LGR6: variants seen among roughly 807,000 people sequenced by gnomAD.
LGR6 encodes leucine rich repeat containing G protein-coupled receptor 6.
In LGR6, 45 loss-of-function variants were observed where a neutral mutation model predicts 69.4. That is an observed-to-expected ratio of 0.65 (90% CI 0.51 to 0.83). LGR6 has a LOEUF of 0.83. Among genes scored for constraint, LGR6 ranks in the 40% least tolerant of loss-of-function variants. LGR6 has a pLI of 0.00. For synonymous variants in LGR6, 538 were observed against 555.0 expected, an observed-to-expected ratio of 0.97 and a Z score of 0.43; for missense variants, 1,108 against 1,246.7, an observed-to-expected ratio of 0.89 and a Z score of 1.68.
In LGR6 at chr1:202,307,244, G is replaced by C. The variant is rs952277543; in HGVS notation, c.1209-86G>C. 25 of 1,298,818 alleles carry C rather than the reference G, an allele frequency of 1.9e-5. No individual in the cohort carries two copies. The South Asian group carries it at 2.8e-4, about 14-fold the overall frequency. 80.5% of individuals were successfully genotyped at this position (1,298,818 alleles called of 1,614,324 possible). On this transcript the variant is annotated intron_variant, in intron 13 of 17. Coordinates refer to ENST00000367278, the MANE Select transcript of LGR6 (RefSeq NM_001017403.2). ...ACTGTTACTGGGGGCAGGTCAGATG[G>C]GGGTATGTGAGGGGGAGCCCATGAT...
chr1:202,272,005 G>A (rs1382536412), intron 4 of LGR6, among the ~76,000 whole-genome samples: 1 of 152,080 alleles, frequency 6.6e-6, no homozygotes, highest in East Asian at 1.9e-4. Context: ...AACACAAAAG[G>A]TTAAAGGAGG....
chr1:202,260,282 G>A (rs1016627824), intron 4 of LGR6, among the ~76,000 whole-genome samples: 18 of 151,702 alleles, frequency 1.2e-4, no homozygotes, highest in Non-Finnish European at 1.9e-4. Flanking sequence ...CAGGTGATCC[G>A]CCCGTCTCAG....
chr1:202,310,201 C>T lies in LGR6; in HGVS notation c.1411C>T (p.Leu471=). The change falls in exon 16 of 18, where the codon CTG becomes TTG. Residue 471 remains leucine, a synonymous_variant. Coordinates refer to ENST00000367278, the MANE Select transcript of LGR6 (RefSeq NM_001017403.2). ...AGCCTGCCTCTCCCCCACCAGGATC[C>T]TGGAGGTGCCTTATGCCTACCAGTG... is the stretch of plus-strand genomic sequence containing the variant. ...SKDSFPKLRI[L]EVPYAYQCCP... 6.2e-7 allele frequency: 1 copy of T among 1,613,842 alleles called. No homozygotes were observed. The highest frequency in any genetic ancestry group is 8.5e-7 in the Non-Finnish European group (1 of 1,179,864).
At chr1:202,237,501 GGTT>G (rs1236821691) in intron 4 of LGR6, among the ~76,000 whole-genome samples, 4 of 152,218 alleles carry the variant, frequency 2.6e-5, no homozygotes, top group African/African-American at 4.8e-5. Flanking sequence ...ACACTTTTAA[GGTT>G]GTTAATTAAG....
intron 6 of LGR6, among the ~76,000 whole-genome samples, chr1:202,289,183 G>A (rs1196211257): frequency 6.6e-6 from 1 of 152,240 alleles, no homozygotes; most frequent in Non-Finnish European, 1.5e-5. Context: ...TGAGGGCCAA[G>A]CAGGGAAGTG....
intron 4 of LGR6, among the ~76,000 whole-genome samples, chr1:202,240,959 C>A (rs372377267): frequency 2.6e-5 from 4 of 152,172 alleles, no homozygotes; most frequent in South Asian, 2.1e-4. Flanking sequence ...TCACAGAAAC[C>A]CCTCTCTAAT....
chr1:202,303,213 A>T (rs1300565171), intron 9 of LGR6, 66 bp from the exon 10 acceptor site: 2 of 1,200,738 alleles, frequency 1.7e-6, no homozygotes, highest in Non-Finnish European at 2.5e-6. Flanking sequence ...CAAAATGGAG[A>T]ATTGAGAGTC....
intron 6 of LGR6, among the ~76,000 whole-genome samples, chr1:202,295,902 TG>T (rs1321750209): frequency 6.7e-6 from 1 of 149,008 alleles, no homozygotes; most frequent in African/African-American, 2.6e-5. Context: ...TGTGTGTGTG[TG>T]TGTGTGTGTG....
chr1:202,219,174 G>T (rs544513431), intron 1 of LGR6, among the ~76,000 whole-genome samples: 1 of 152,212 alleles, frequency 6.6e-6, no homozygotes, highest in Non-Finnish European at 1.5e-5. Flanking sequence ...AATGGTCTCC[G>T]TGGCGGCCAG....
chr1:202,227,623 C>T (rs1251463323), intron 2 of LGR6, among the ~76,000 whole-genome samples: 2 of 152,092 alleles, frequency 1.3e-5, no homozygotes, highest in Non-Finnish European at 2.9e-5. Context: ...GGCCGTGAGC[C>T]TTCAAATTAG....
intron 4 of LGR6, among the ~76,000 whole-genome samples, chr1:202,238,618 T>G (rs932400168): frequency 2.6e-5 from 4 of 151,700 alleles, no homozygotes; most frequent in Admixed American, 2.6e-4. Flanking sequence ...GAGACGGGGG[T>G]TTCACCATAT....
Position 202,319,503 on chromosome 1 carries a change from G to C in LGR6, c.*296G>C. On this transcript the variant is annotated 3_prime_UTR_variant, in exon 18 of 18. Transcript: ENST00000367278. ...TTTTGTCTGCTTAAGGGAAATGAGG[G>C]AAGTAAAGACAGTGAAGGGGTGGAG... 5.6e-6 allele frequency: 2 copies of C among 354,458 alleles called. No individual in the cohort carries two copies. The highest frequency in any genetic ancestry group is 6.0e-5 in the South Asian group (1 of 16,612). The allele number at this position is 354,458 out of a possible 1,614,324, so 22.0% of individuals were successfully genotyped here.
chr1:202,307,034 A>G, intron 13 of LGR6, 95 bp downstream of exon 13: 1 of 1,110,922 alleles, frequency 9.0e-7, no homozygotes, highest in Non-Finnish European at 1.4e-6. Flanking sequence ...CAATTTAAGC[A>G]AATGTGACAT....
chr1:202,318,142 T>C lies in LGR6; in HGVS notation c.1839T>C (p.Ile613=), dbSNP rs768428850. ...CAGGCGCCAACACCTTGACTGGCAT[T>C]TCCTGTGGCCTTCTAGCCTCAGTCG... ...AIAGANTLTG[I]SCGLLASVDA... is the part of the protein sequence containing the mutation. Residue 613 remains isoleucine (I), a synonymous_variant, in exon 18 of 18, where the codon ATT becomes ATC. Coordinates refer to ENST00000367278, the MANE Select transcript of LGR6 (RefSeq NM_001017403.2). The C allele has an allele frequency of 6.2e-7, 1 of 1,614,126 alleles. No homozygotes were observed. The highest frequency in any genetic ancestry group is 8.5e-7 in the Non-Finnish European group (1 of 1,180,018).
chr1:202,307,220 C>A, intron 13 of LGR6, 110 bp from the exon 14 acceptor site: 1 of 1,062,350 alleles, frequency 9.4e-7, no homozygotes, highest in South Asian at 1.4e-5. Flanking sequence ...GCAAAGGTTA[C>A]TGTTACTGGG....
chr1:202,227,464 G>T (rs1660646061), intron 2 of LGR6, among the ~76,000 whole-genome samples: 1 of 152,184 alleles, frequency 6.6e-6, no homozygotes, highest in Admixed American at 6.5e-5. Flanking sequence ...ATTAGTGAGG[G>T]TTAGCTGTGT....
intron 2 of LGR6, among the ~76,000 whole-genome samples, chr1:202,226,383 G>T (rs1338837811): frequency 6.6e-6 from 1 of 152,082 alleles, no homozygotes; most frequent in Non-Finnish European, 1.5e-5. Context: ...AGCTCTTTTA[G>T]AATTTAAATA....
At chr1:202,214,245 TG>T (rs1335706749) in intron 1 of LGR6, 4 of 1,538,896 alleles carry the variant, frequency 2.6e-6, no homozygotes, top group Admixed American at 2.1e-5. Context: ...CAGGTAGGCT[TG>T]GGGGAAGGGT....
chr1:202,280,862 G>C lies in LGR6; in HGVS notation c.716+10G>C. 1 of 1,611,956 alleles carries C rather than the reference G, an allele frequency of 6.2e-7. No individual in the cohort carries two copies. The highest frequency in any genetic ancestry group is 8.5e-7 in the Non-Finnish European group (1 of 1,178,618). On this transcript the variant is annotated intron_variant, in intron 6 of 17. Transcript: ENST00000367278. The stretch of plus-strand genomic sequence containing the variant: ...ACAATCTGGAGACACTGTGAGTTTT[G>C]AGGTCTTGGTCAAACTCTGTCCTGC...
Sources: gnomAD v4.1 joint callset for allele counts (sites outside exome capture counted in the v4.1 genomes callset) on GRCh38, gnomAD v4.1.1 for gene constraint, MANE v1.5 for transcripts, NCBI Gene and HGNC (gene_info 2026-07-23, HGNC 2026-07-21) for gene names.